The following GPM6A variants were observed in gnomAD, a reference collection of about 807,000 sequenced individuals.
The protein encoded by GPM6A is neuronal membrane glycoprotein M6-a.
In GPM6A, 7 loss-of-function variants were observed where a neutral mutation model predicts 32.1. The ratio of observed to expected loss-of-function variants is 0.22; its 90% CI spans 0.12 to 0.41. The LOEUF (loss-of-function observed/expected upper bound fraction) is 0.41, where lower values mean the gene tolerates loss of function less well. Ranked by LOEUF, GPM6A falls within the 10% of genes least tolerant of loss-of-function variation. The pLI, the probability that GPM6A is intolerant of heterozygous loss-of-function variation, is 1.00. For missense variants in GPM6A, 235 were observed against 347.2 expected, an observed-to-expected ratio of 0.68 and a Z score of 2.57; for synonymous variants, 130 against 123.4, an observed-to-expected ratio of 1.05 and a Z score of -0.35.
chr4:175,751,458 G>A (rs935358921), intron 1 of GPM6A, among the ~76,000 whole-genome samples: 1 of 152,052 alleles, frequency 6.6e-6, no homozygotes, highest in African/African-American at 2.4e-5. Context: ...TAATTTAACT[G>A]TATAAACTAA....
At chr4:175,787,663 A>G in intron 1 of GPM6A, 1 of 1,141,386 alleles carries the variant, frequency 8.8e-7, no homozygotes, top group Non-Finnish European at 1.1e-6. Context: ...TAGTCAGACA[A>G]ATTTAATATA....
chr4:175,819,444 A>G (rs541984768), intron 1 of GPM6A, among the ~76,000 whole-genome samples: 1 of 152,334 alleles, frequency 6.6e-6, no homozygotes, highest in African/African-American at 2.4e-5. Flanking sequence ...AACAATTGGA[A>G]CAAAGTATGA....
At chr4:175,977,287 C>A (rs77878477) in intron 1 of GPM6A, among the ~76,000 whole-genome samples, 1 of 152,146 alleles carries the variant, frequency 6.6e-6, no homozygotes, top group Non-Finnish European at 1.5e-5. Flanking sequence ...AGTATTCCTA[C>A]AATGGATAAA....
intron 1 of GPM6A, among the ~76,000 whole-genome samples, chr4:175,848,189 G>A (rs890928809): frequency 3.9e-5 from 6 of 152,098 alleles, no homozygotes; most frequent in African/African-American, 1.2e-4. Flanking sequence ...TAGCGCTCAA[G>A]CTTTTTTCTT....
intron 1 of GPM6A, among the ~76,000 whole-genome samples, chr4:175,736,309 A>G (rs1293853845): frequency 6.6e-6 from 1 of 152,142 alleles, no homozygotes; most frequent in Non-Finnish European, 1.5e-5. Context: ...CCCACAGCAC[A>G]TGGCATAAAA....
intron 2 of GPM6A, among the ~76,000 whole-genome samples, chr4:175,693,495 C>T (rs1287503468): frequency 2.0e-5 from 3 of 151,962 alleles, no homozygotes; most frequent in Admixed American, 2.0e-4. Flanking sequence ...CATTTCAGAA[C>T]TACAAGTTCA....
chr4:175,759,414 T>C (rs1220366069), intron 1 of GPM6A, among the ~76,000 whole-genome samples: 1 of 152,146 alleles, frequency 6.6e-6, no homozygotes. Flanking sequence ...AGGCATAAAA[T>C]TTTCTTTACC....
intron 1 of GPM6A, among the ~76,000 whole-genome samples, chr4:175,958,175 G>A (rs1214099330): frequency 1.3e-5 from 2 of 152,208 alleles, no homozygotes; most frequent in Non-Finnish European, 2.9e-5. Flanking sequence ...TTACAGGCGT[G>A]AGCCACCATG....
chr4:175,648,120 TA>T (rs71595483), intron 4 of GPM6A, among the ~76,000 whole-genome samples: 25 of 150,754 alleles, frequency 1.7e-4, no homozygotes, highest in East Asian at 7.9e-4. Flanking sequence ...TTTCTTTTTT[TA>T]AAAAAAAAAG....
chr4:175,919,556 T>C lies in GPM6A; in HGVS notation c.-23+82753A>G, dbSNP rs554040275. 2.0e-5 allele frequency among the ~76,000 whole-genome samples: 3 copies of C among 152,298 alleles called. No individual in the cohort carries two copies. In the South Asian group the frequency reaches 6.2e-4, roughly 32 times the overall value. On this transcript the variant is annotated intron_variant, in intron 1 of 7. Coordinates refer to the GPM6A transcript ENST00000280187. ...TTTCCAGCAGGCTTGTAACTACCAG[T>C]ATGCAAGGGTGAATAAAGAAAAATT...
intron 1 of GPM6A, among the ~76,000 whole-genome samples, chr4:175,845,730 G>A (rs1736067507): frequency 6.6e-6 from 1 of 151,672 alleles, no homozygotes; most frequent in Non-Finnish European, 1.5e-5. Context: ...TCCTTATCTG[G>A]ACCATTACAA....
intron 1 of GPM6A, among the ~76,000 whole-genome samples, chr4:175,895,304 C>T (rs932062565): frequency 2.6e-5 from 4 of 152,022 alleles, no homozygotes; most frequent in Admixed American, 6.6e-5. Flanking sequence ...ATAAAGAATA[C>T]GTGATTCAAA....
At chr4:175,774,981 A>G (rs754777648) in intron 1 of GPM6A, among the ~76,000 whole-genome samples, 7 of 152,130 alleles carry the variant, frequency 4.6e-5, no homozygotes, top group Admixed American at 6.6e-5. Context: ...TTTGACCAAA[A>G]TATTAGTCAA....
At position 175,917,264 on chromosome 4, in the gene GPM6A, G is replaced by GT. The variant is rs201151207; in HGVS notation, c.-23+85044dup. ...CTCCACACAATCACAGTTTTGTTTT[G>GT]TTTTTTTTTAATCTTTAAGCATCCT... is the stretch of plus-strand genomic sequence containing the variant. On this transcript the variant is annotated intron_variant, in intron 1 of 7. Coordinates refer to the GPM6A transcript ENST00000280187. Among the ~76,000 whole-genome samples, 828 of 150,934 alleles carry GT rather than the reference G, an allele frequency of 5.5e-3. 12 individuals are homozygous for GT. The highest frequency in any genetic ancestry group is 0.018 in the African/African-American group (742 of 41,086).
chr4:175,757,040 A>C (rs1378514792), intron 1 of GPM6A, among the ~76,000 whole-genome samples: 1 of 152,030 alleles, frequency 6.6e-6, no homozygotes, highest in African/African-American at 2.4e-5. Context: ...ACTCCCAGGG[A>C]TGCTTGGGGT....
upstream of GPM6A, among the ~76,000 whole-genome samples, chr4:175,815,369 T>C (rs1240980795): frequency 1.3e-5 from 2 of 152,206 alleles, no homozygotes; most frequent in African/African-American, 4.8e-5. Context: ...TTGGATCTCA[T>C]TGGAAGTAAA....
At position 175,800,137 on chromosome 4, in the gene GPM6A, A is replaced by G. The variant is rs950410357; in HGVS notation, c.37+12054T>C. Among the ~76,000 whole-genome samples the G allele has an allele frequency of 4.3e-4, 66 of 152,282 alleles. 1 individual carries two copies. The highest frequency in any genetic ancestry group is 1.5e-3 in the African/African-American group (63 of 41,570). ...CAAAGTGGTTAGGAAGTCAATAAAT[A>G]ATTCCAATAACTGTATAATTTGTGG... On this transcript the variant is annotated intron_variant, in intron 1 of 6. Coordinates refer to ENST00000393658, the MANE Select transcript of GPM6A (RefSeq NM_201591.3).
At chr4:175,893,634 A>G (rs1737711405) in intron 1 of GPM6A, among the ~76,000 whole-genome samples, 1 of 152,132 alleles carries the variant, frequency 6.6e-6, no homozygotes, top group East Asian at 1.9e-4. Flanking sequence ...TACCCCCTGA[A>G]TAGATAATAT....
intron 1 of GPM6A, among the ~76,000 whole-genome samples, chr4:175,730,616 G>T (rs1013566047): frequency 6.6e-6 from 1 of 151,940 alleles, no homozygotes; most frequent in Non-Finnish European, 1.5e-5. Flanking sequence ...GACTACAGGC[G>T]CCCGCCACCA....
Sources: allele counts gnomAD v4.1 joint callset (sites outside exome capture counted in the v4.1 genomes callset), GRCh38; gene constraint gnomAD v4.1.1; transcripts MANE v1.5; gene names NCBI Gene and HGNC (gene_info 2026-07-23, HGNC 2026-07-21).